The following NAA11 variants were observed in gnomAD, a reference collection of about 807,000 sequenced individuals.
The protein encoded by NAA11 is N-alpha-acetyltransferase 11.
A neutral mutation model predicts 16.1 loss-of-function variants in NAA11; 15 were observed. The ratio of observed to expected loss-of-function variants is 0.93; its 90% CI spans 0.62 to 1.44. NAA11 has a LOEUF of 1.44. Among genes scored for constraint, NAA11 ranks in the 40% most tolerant of loss-of-function variants. The pLI is 0.00. For missense variants in NAA11, 298 were observed against 291.3 expected, an observed-to-expected ratio of 1.02 and a Z score of -0.17; for synonymous variants, 122 against 112.4, an observed-to-expected ratio of 1.09 and a Z score of -0.54.
At chr4:79,301,610 A>C (rs1379066302) in intron 1 of NAA11, among the ~76,000 whole-genome samples, 1 of 152,206 alleles carries the variant, frequency 6.6e-6, no homozygotes, top group Non-Finnish European at 1.5e-5. Context: ...GTCTTTAAGA[A>C]GAAAATACAA....
At chr4:79,255,505 T>C (rs1722088612) in intron 2 of NAA11, among the ~76,000 whole-genome samples, 1 of 152,246 alleles carries the variant, frequency 6.6e-6, no homozygotes, top group African/African-American at 2.4e-5. Context: ...TTATGTGCTG[T>C]AGCTTTTTAT....
chr4:79,273,996 A>AC (rs1722561724), intron 2 of NAA11, among the ~76,000 whole-genome samples: 1 of 152,004 alleles, frequency 6.6e-6, no homozygotes, highest in Admixed American at 6.6e-5. Flanking sequence ...TCTGAAGGTG[A>AC]CACATGCTGT....
chr4:79,293,946 G>A (rs1723151452), intron 2 of NAA11: 1 of 152,182 alleles, frequency 6.6e-6, no homozygotes, highest in Non-Finnish European at 1.5e-5. Context: ...CAGGAGTGGT[G>A]TCCTGATAAA....
chr4:79,165,981 A>C, the NAA11 span, among the ~76,000 whole-genome samples: 9 of 152,214 alleles, frequency 5.9e-5, no homozygotes, highest in South Asian at 1.9e-3. Flanking sequence ...TTTAGGAAGC[A>C]CATTATCTAT....
intron 1 of NAA11, among the ~76,000 whole-genome samples, chr4:79,323,446 G>C (rs887678135): frequency 6.6e-6 from 1 of 152,190 alleles, no homozygotes; most frequent in African/African-American, 2.4e-5. Context: ...CAGCACTTTG[G>C]GGGGCTGAGG....
the NAA11 span, among the ~76,000 whole-genome samples, chr4:79,195,020 G>T: frequency 2.0e-5 from 3 of 151,986 alleles, no homozygotes; most frequent in Non-Finnish European, 4.4e-5. Context: ...AGAGAAAAAA[G>T]GATGAGACAG....
At chr4:79,193,055 G>C in the NAA11 span, among the ~76,000 whole-genome samples, 1 of 151,754 alleles carries the variant, frequency 6.6e-6, no homozygotes, top group Non-Finnish European at 1.5e-5. Flanking sequence ...CATATCCTTT[G>C]CCCACTTTTT....
intron 2 of NAA11, among the ~76,000 whole-genome samples, chr4:79,234,745 G>A (rs561793588): frequency 4.1e-4 from 62 of 152,140 alleles, no homozygotes; most frequent in African/African-American, 1.5e-3. Context: ...TCAAATCTCA[G>A]TGCTAGGAAT....
chr4:79,220,065 G>A, the NAA11 span, among the ~76,000 whole-genome samples: 1 of 152,204 alleles, frequency 6.6e-6, no homozygotes, highest in African/African-American at 2.4e-5. Flanking sequence ...ATCTGGGCTA[G>A]CATGCTCACT....
the NAA11 span, among the ~76,000 whole-genome samples, chr4:79,176,717 A>G: frequency 6.6e-6 from 1 of 152,188 alleles, no homozygotes; most frequent in East Asian, 1.9e-4. Context: ...AGAATTATCT[A>G]TCATAGTGCA....
Position 79,294,827 on chromosome 4 carries a change from C to G in NAA11, c.*13-713G>C, listed in dbSNP as rs969869561. Reference sequence around the variant, plus strand: ...ATAATATACAATTTGTATACTCTTACTTATATTTTCAACTAGATTCTGAAC... The same window carrying G: ...ATAATATACAATTTGTATACTCTTAGTTATATTTTCAACTAGATTCTGAAC... On this transcript the variant is annotated intron_variant and NMD_transcript_variant, in intron 1 of 2. Coordinates refer to the NAA11 transcript ENST00000511542. Among the ~76,000 whole-genome samples the G allele has an allele frequency of 3.9e-5, 6 of 152,104 alleles. No individual in the cohort carries two copies. The South Asian group carries it at 6.2e-4, about 16-fold the overall frequency.
chr4:79,275,242 A>C (rs1423990237), intron 2 of NAA11, among the ~76,000 whole-genome samples: 1 of 152,120 alleles, frequency 6.6e-6, no homozygotes, highest in African/African-American at 2.4e-5. Context: ...GATGAAATAT[A>C]GTATTATCTA....
At chr4:79,268,440 T>C (rs1260460271) in intron 2 of NAA11, among the ~76,000 whole-genome samples, 1 of 152,178 alleles carries the variant, frequency 6.6e-6, no homozygotes, top group Non-Finnish European at 1.5e-5. Flanking sequence ...GACATTTCTC[T>C]GCTTCATCAC....
the NAA11 span, among the ~76,000 whole-genome samples, chr4:79,161,319 A>G: frequency 6.6e-6 from 1 of 151,982 alleles, no homozygotes; most frequent in Non-Finnish European, 1.5e-5. Context: ...CCTTGTCAAA[A>G]GTCTATTGAT....
At chr4:79,214,681 C>G in the NAA11 span, among the ~76,000 whole-genome samples, 3 of 152,096 alleles carry the variant, frequency 2.0e-5, no homozygotes, top group Non-Finnish European at 4.4e-5. Flanking sequence ...CACCTGTAGT[C>G]TCAGCTACTT....
Position 79,325,913 on chromosome 4 carries a change from G to A in NAA11, c.-36C>T. ...GGTAGGGAACCGGTTGGACTGCAGT[G>A]AACCCAGAAGAGGCTGTCGCCGACC... On this transcript the variant is annotated 5_prime_UTR_variant, in exon 1 of 2. Transcript: ENST00000286794. 1 of 1,559,284 alleles carries A rather than the reference G, an allele frequency of 6.4e-7. No individual in the cohort carries two copies.
At chr4:79,181,568 G>A in the NAA11 span, among the ~76,000 whole-genome samples, 1 of 152,256 alleles carries the variant, frequency 6.6e-6, no homozygotes, top group South Asian at 2.1e-4. Flanking sequence ...ACCATAAGGT[G>A]GTTTCCATTA....
chr4:79,279,149 G>A (rs1722732375), intron 2 of NAA11, among the ~76,000 whole-genome samples: 1 of 151,950 alleles, frequency 6.6e-6, no homozygotes, highest in East Asian at 1.9e-4. Context: ...ACAGCAGTAG[G>A]TACCCAATAA....
At chr4:79,278,248 C>T (rs573833179) in intron 2 of NAA11, among the ~76,000 whole-genome samples, 1 of 151,764 alleles carries the variant, frequency 6.6e-6, no homozygotes, top group Non-Finnish European at 1.5e-5. Flanking sequence ...TGATCTTGTC[C>T]CCTCAAATTC....
Sources: gnomAD v4.1 joint callset for allele counts (sites outside exome capture counted in the v4.1 genomes callset) on GRCh38, gnomAD v4.1.1 for gene constraint, MANE v1.5 for transcripts, NCBI Gene and HGNC (gene_info 2026-07-23, HGNC 2026-07-21) for gene names.